Variants in ERBB4 observed in about 807,000 individuals in gnomAD.
ERBB4 encodes the protein erb-b2 receptor tyrosine kinase 4, also known as receptor tyrosine-protein kinase erbB-4.
In ERBB4, 42 loss-of-function variants were observed where a neutral mutation model predicts 158.0. That is an observed-to-expected ratio of 0.27 (90% CI 0.21 to 0.34). The LOEUF (loss-of-function observed/expected upper bound fraction) is 0.34. Among genes scored for constraint, ERBB4 ranks in the 10% least tolerant of loss-of-function variants. ERBB4 has a pLI of 1.00. For missense variants in ERBB4, 1,333 were observed against 1,624.1 expected, an observed-to-expected ratio of 0.82 and a Z score of 3.08; for synonymous variants, 583 against 558.7, an observed-to-expected ratio of 1.04 and a Z score of -0.61.
At chr2:212,014,931 G>A (rs1263064098) in intron 2 of ERBB4, among the ~76,000 whole-genome samples, 3 of 149,410 alleles carry the variant, frequency 2.0e-5, no homozygotes, top group Non-Finnish European at 4.4e-5. Flanking sequence ...AGTGGCTCAC[G>A]CCTGTAATCG....
chr2:211,757,849 G>C (rs1575104282), intron 4 of ERBB4, among the ~76,000 whole-genome samples: 1 of 152,290 alleles, frequency 6.6e-6, no homozygotes, highest in Non-Finnish European at 1.5e-5. Flanking sequence ...ACATGACAGT[G>C]GTAGAAACCA....
intron 18 of ERBB4, among the ~76,000 whole-genome samples, chr2:211,621,974 G>C (rs1385704900): frequency 6.6e-6 from 1 of 152,040 alleles, no homozygotes; most frequent in East Asian, 1.9e-4. Context: ...GATAATTCAG[G>C]TGGGGAAAAA....
At chr2:211,581,391 T>G (rs2068100010) in intron 19 of ERBB4, among the ~76,000 whole-genome samples, 1 of 151,940 alleles carries the variant, frequency 6.6e-6, no homozygotes, top group Non-Finnish European at 1.5e-5. Flanking sequence ...ATGGAAATAG[T>G]CAAGCAAAAC....
rs151133571 is a variant in ERBB4 at position 211,385,511 on chromosome 2, T to C, written c.3481+1342A>G. On this transcript the variant is annotated intron_variant, in intron 27 of 27. Coordinates refer to ENST00000342788, the MANE Select transcript of ERBB4 (RefSeq NM_005235.3). ...TAGTAACAAGTTTTAATTTGACAAGTGTATGAAAACATTTATAAGGAATGC... is the reference window on the plus strand; with the variant it reads ...TAGTAACAAGTTTTAATTTGACAAGCGTATGAAAACATTTATAAGGAATGC... Among the ~76,000 whole-genome samples, 90 of 152,270 alleles carry C rather than the reference T, an allele frequency of 5.9e-4. No individual in the cohort carries two copies. The East Asian group carries it at 0.016, about 27-fold the overall frequency.
Position 211,748,089 on chromosome 2 carries a change from TG to T in ERBB4, c.622+2549del, listed in dbSNP as rs2075027313. Reference sequence around the variant, plus strand: ...ATTTTTAATTGTTTATTATTTTAATTGTTTTTTTCCAAGTATTTTTGATCTG... The same window carrying T: ...ATTTTTAATTGTTTATTATTTTAATTTTTTTTTCCAAGTATTTTTGATCTG... On this transcript the variant is annotated intron_variant, in intron 5 of 27. Transcript: ENST00000342788. Among the ~76,000 whole-genome samples the T allele has an allele frequency of 5.3e-5, 8 of 151,922 alleles. No homozygotes were observed. The South Asian group carries it at 1.7e-3, about 31-fold the overall frequency.
At chr2:211,666,908 T>C (rs1318102526) in intron 14 of ERBB4, among the ~76,000 whole-genome samples, 4 of 152,120 alleles carry the variant, frequency 2.6e-5, no homozygotes, top group Non-Finnish European at 5.9e-5. Context: ...CAATGAGAAT[T>C]TGGCAGTCAG....
At chr2:212,292,570 A>T (rs2086248108) in intron 1 of ERBB4, among the ~76,000 whole-genome samples, 1 of 152,074 alleles carries the variant, frequency 6.6e-6, no homozygotes, top group African/African-American at 2.4e-5. Flanking sequence ...ATCAACCAAT[A>T]TCAAAAATTA....
intron 1 of ERBB4, among the ~76,000 whole-genome samples, chr2:212,327,880 GA>G (rs1002963354): frequency 2.4e-4 from 35 of 145,998 alleles, no homozygotes; most frequent in African/African-American, 7.8e-4. Flanking sequence ...TTTAATTTTT[GA>G]AAAAAAAATA....
At chr2:212,389,628 T>C (rs1372752795) in intron 1 of ERBB4, among the ~76,000 whole-genome samples, 1 of 151,988 alleles carries the variant, frequency 6.6e-6, no homozygotes, top group East Asian at 1.9e-4. Flanking sequence ...ACTGGAAATA[T>C]AACAGTGAGT....
At chr2:212,192,021 G>A (rs186600829) in intron 1 of ERBB4, among the ~76,000 whole-genome samples, 5 of 20,894 alleles carry the variant, frequency 2.4e-4, no homozygotes, top group Non-Finnish European at 4.8e-4. Flanking sequence ...TATGTTATAT[G>A]TTATATATGT....
chr2:211,824,581 TATGA>T (rs2077056179), intron 3 of ERBB4, among the ~76,000 whole-genome samples: 1 of 152,066 alleles, frequency 6.6e-6, no homozygotes, highest in South Asian at 2.1e-4. Flanking sequence ...TCAAAAGTTT[TATGA>T]AAGTTCATAT....
chr2:212,443,357 A>T (rs2092290906), intron 1 of ERBB4, among the ~76,000 whole-genome samples: 1 of 152,226 alleles, frequency 6.6e-6, no homozygotes, highest in Non-Finnish European at 1.5e-5. Context: ...TGCATACCAG[A>T]GGATGGGAAA....
intron 2 of ERBB4, among the ~76,000 whole-genome samples, chr2:212,037,310 T>C (rs2077038835): frequency 6.6e-6 from 1 of 152,088 alleles, no homozygotes; most frequent in Non-Finnish European, 1.5e-5. Flanking sequence ...CCTGCTATGT[T>C]AGAGAGGGAA....
intron 5 of ERBB4, among the ~76,000 whole-genome samples, chr2:211,733,381 A>G (rs1026498102): frequency 4.6e-5 from 7 of 152,212 alleles, no homozygotes; most frequent in Admixed American, 1.3e-4. Flanking sequence ...GTTATTTTGC[A>G]TATTCCTCAC....
chr2:211,662,665 G>A lies in ERBB4; in HGVS notation c.1871+2658C>T, dbSNP rs182144135. Among the ~76,000 whole-genome samples, 1,201 of 152,288 alleles carry A rather than the reference G, an allele frequency of 7.9e-3. 9 individuals carry two copies. Among genetic ancestry groups the A allele is most frequent in the Non-Finnish European group, 0.011 (748 of 68,010 alleles). ...TTGTTGTTTTCATGGATATTAGTGAGAATCTTCTGATAAGGAGTAAATAGA... is the reference window on the plus strand; with the variant it reads ...TTGTTGTTTTCATGGATATTAGTGAAAATCTTCTGATAAGGAGTAAATAGA... On this transcript the variant is annotated intron_variant, in intron 15 of 27. Coordinates refer to ENST00000342788, the MANE Select transcript of ERBB4 (RefSeq NM_005235.3).
At chr2:211,445,149 C>A (rs761091542) in intron 20 of ERBB4, among the ~76,000 whole-genome samples, 6 of 152,012 alleles carry the variant, frequency 3.9e-5, no homozygotes, top group Non-Finnish European at 8.8e-5. Context: ...CCTAACATGA[C>A]GTGCACAGCA....
chr2:211,673,125 C>T (rs1574961303), intron 14 of ERBB4, 39 bp downstream of exon 14: 1 of 1,380,322 alleles, frequency 7.2e-7, no homozygotes, highest in Non-Finnish European at 1.0e-6. Flanking sequence ...ATACATGATA[C>T]TAAATAAGCC....
chr2:212,102,765 G>T (rs984611917), intron 2 of ERBB4, among the ~76,000 whole-genome samples: 1 of 152,068 alleles, frequency 6.6e-6, no homozygotes, highest in African/African-American at 2.4e-5. Flanking sequence ...CCAACTCAGT[G>T]TCAACAGAAC....
intron 7 of ERBB4, among the ~76,000 whole-genome samples, chr2:211,714,356 T>C (rs1267728860): frequency 1.3e-5 from 2 of 152,172 alleles, no homozygotes; most frequent in Non-Finnish European, 2.9e-5. Flanking sequence ...CCACTCTGGT[T>C]TTAAAAGTAG....
Sources: allele counts gnomAD v4.1 joint callset (sites outside exome capture counted in the v4.1 genomes callset), GRCh38; gene constraint gnomAD v4.1.1; transcripts MANE v1.5; gene names NCBI Gene and HGNC (gene_info 2026-07-23, HGNC 2026-07-21).